The following GNB5 variants were observed in gnomAD, a reference collection of about 807,000 sequenced individuals.
The protein encoded by GNB5 is G protein subunit beta 5.
In GNB5, 37 loss-of-function variants were observed where a neutral mutation model predicts 55.3. The observed-to-expected ratio is 0.67, with a 90% CI of 0.51 to 0.88. GNB5 has a LOEUF of 0.88. Among genes scored for constraint, GNB5 ranks in the 40% least tolerant of loss-of-function variants. GNB5 has a pLI of 0.00. For synonymous variants in GNB5, 219 were observed against 198.5 expected (o/e 1.10, Z -0.87); for missense variants, 476 against 515.3 (o/e 0.92, Z 0.74).
chr15:52,139,756 G>T, intron 7 of GNB5: 1 of 1,181,486 alleles, frequency 8.5e-7, no homozygotes, highest in South Asian at 1.5e-5. Context: ...GTAGCCAGCT[G>T]TGACTTCCCT....
intron 8 of GNB5, among the ~76,000 whole-genome samples, chr15:52,135,193 G>C (rs1468832676): frequency 2.0e-5 from 3 of 152,092 alleles, no homozygotes; most frequent in African/African-American, 7.2e-5. Context: ...TCACAGCGTT[G>C]CCTCAGCTCA....
intron 3 of GNB5, among the ~76,000 whole-genome samples, chr15:52,172,425 G>A (rs1033913233): frequency 4.0e-5 from 6 of 151,758 alleles, no homozygotes; most frequent in Admixed American, 1.3e-4. Flanking sequence ...CACCATGCCC[G>A]GCCTCCTTTT....
At chr15:52,178,939 A>G (rs4334243) in intron 3 of GNB5, among the ~76,000 whole-genome samples, 147,557 of 152,304 alleles carry the variant, frequency 0.97, 71,659 homozygotes, top group East Asian at 1. Context: ...GAGCAGATAC[A>G]ACCACTTCCC....
chr15:52,137,652 T>G, intron 7 of GNB5: 10 of 1,145,502 alleles, frequency 8.7e-6, no homozygotes, highest in Non-Finnish European at 1.1e-5. Flanking sequence ...ATTTTACTTT[T>G]TGTCACTGCC....
chr15:52,187,473 G>T (rs1348959681), intron 1 of GNB5, among the ~76,000 whole-genome samples: 1 of 152,068 alleles, frequency 6.6e-6, no homozygotes, highest in African/African-American at 2.4e-5. Flanking sequence ...AATGGAAGGC[G>T]AGAGGAACCT....
chr15:52,158,321 G>C (rs189480270), intron 3 of GNB5, among the ~76,000 whole-genome samples: 2 of 152,304 alleles, frequency 1.3e-5, no homozygotes, highest in African/African-American at 4.8e-5. Flanking sequence ...CTGGCATAAA[G>C]GGAACACTTC....
chr15:52,187,539 A>G (rs2034862870), intron 1 of GNB5, among the ~76,000 whole-genome samples: 2 of 152,316 alleles, frequency 1.3e-5, no homozygotes, highest in South Asian at 4.1e-4. Flanking sequence ...GGAGAGAAAG[A>G]CAAGTTGAAA....
At chr15:52,163,346 G>C (rs1436003304) in intron 3 of GNB5, among the ~76,000 whole-genome samples, 1 of 152,198 alleles carries the variant, frequency 6.6e-6, no homozygotes, top group Non-Finnish European at 1.5e-5. Context: ...ATTCCCCTAG[G>C]AAGGTGGGGT....
chr15:52,161,242 G>A (rs1320358906), intron 3 of GNB5, among the ~76,000 whole-genome samples: 4 of 152,114 alleles, frequency 2.6e-5, no homozygotes, highest in Non-Finnish European at 5.9e-5. Context: ...CAAGGAGTAG[G>A]TGAGGCACTG....
chr15:52,133,299 C>T (rs779520371), intron 9 of GNB5, 79 bp downstream of exon 9: 20 of 931,062 alleles, frequency 2.1e-5, no homozygotes, highest in Middle Eastern at 5.5e-4. Flanking sequence ...AGTCTGGAGG[C>T]GGTTCCTGGG....
chr15:52,150,162 T>C (rs1462737978), intron 4 of GNB5, among the ~76,000 whole-genome samples: 1 of 152,158 alleles, frequency 6.6e-6, no homozygotes, highest in African/African-American at 2.4e-5. Flanking sequence ...CTTGGAAAGA[T>C]ACAACTACAG....
At chr15:52,189,926 GA>G (rs995605617) in intron 1 of GNB5, among the ~76,000 whole-genome samples, 2 of 152,158 alleles carry the variant, frequency 1.3e-5, no homozygotes, top group Non-Finnish European at 2.9e-5. Flanking sequence ...GAATAAGGGG[GA>G]AGGAGGGAGC....
At chr15:52,188,680 G>C (rs939111742) in intron 1 of GNB5, among the ~76,000 whole-genome samples, 2 of 152,192 alleles carry the variant, frequency 1.3e-5, no homozygotes, top group African/African-American at 4.8e-5. Flanking sequence ...CTCTGCAGTA[G>C]TTCATAGAAC....
chr15:52,132,486 G>A (rs972886158), intron 9 of GNB5, among the ~76,000 whole-genome samples: 1 of 148,460 alleles, frequency 6.7e-6, no homozygotes, highest in African/African-American at 2.5e-5. Flanking sequence ...TTGTTTGTTT[G>A]GGTTTTTTTT....
intron 3 of GNB5, among the ~76,000 whole-genome samples, chr15:52,176,492 G>A (rs1285358871): frequency 1.3e-5 from 2 of 152,140 alleles, no homozygotes; most frequent in African/African-American, 2.4e-5. Context: ...TCCCACCTGA[G>A]TGCCAAGGGA....
chr15:52,133,349 G>T, intron 9 of GNB5, 29 bp downstream of exon 9: 1 of 1,406,190 alleles, frequency 7.1e-7, no homozygotes, highest in Non-Finnish European at 1.0e-6. Context: ...GCAGAACAGA[G>T]AGGTGGCATG....
At chr15:52,176,213 C>T (rs1313784306) in intron 3 of GNB5, among the ~76,000 whole-genome samples, 1 of 152,190 alleles carries the variant, frequency 6.6e-6, no homozygotes, top group African/African-American at 2.4e-5. Flanking sequence ...CCCTTCCCAC[C>T]TTCCCCCAGG....
At chr15:52,135,473 G>A in intron 8 of GNB5, 140 bp downstream of exon 8, 2 of 768,386 alleles carry the variant, frequency 2.6e-6, no homozygotes, top group Non-Finnish European at 4.3e-6. Flanking sequence ...GGAGCTGGGG[G>A]TTTAGTGGGG....
intron 4 of GNB5, 123 bp downstream of exon 4, chr15:52,153,817 T>A (rs1219154751): frequency 3.8e-6 from 3 of 784,546 alleles, no homozygotes; most frequent in Non-Finnish European, 6.1e-6. Flanking sequence ...CTAAATCACA[T>A]CCTTTGGAGA....
Sources: allele counts gnomAD v4.1 joint callset (sites outside exome capture counted in the v4.1 genomes callset), GRCh38; gene constraint gnomAD v4.1.1; transcripts MANE v1.5; gene names NCBI Gene and HGNC (gene_info 2026-07-23, HGNC 2026-07-21).